KCNK18: variants seen among roughly 807,000 people sequenced by gnomAD.
KCNK18 encodes the protein potassium two pore domain channel subfamily K member 18, also known as potassium channel subfamily K member 18.
Under a neutral mutation model 11.8 loss-of-function variants are expected in KCNK18, and 8 were observed. The ratio of observed to expected loss-of-function variants is 0.68; its 90% confidence interval spans 0.40 to 1.22. The LOEUF is 1.22. Ranked by LOEUF, KCNK18 falls within the 50% of genes most tolerant of loss-of-function variation. The probability of loss-of-function intolerance (pLI) is 0.01; values close to 1 mark genes in which losing one functional copy is unlikely to be tolerated. For missense variants in KCNK18, 442 were observed against 465.4 expected (o/e 0.95, Z 0.46); for synonymous variants, 208 against 185.8 (o/e 1.12, Z -0.97).
Position 117,197,500 on chromosome 10 carries a change from G to A in KCNK18, c.12G>A (p.Ser4=), listed in dbSNP as rs139459241. ...ATGCTTCAGGGACGATGGAGGTCTC[G>A]GGGCACCCCCAGGCCAGGAGATGCT... The part of the protein sequence containing the change: MEV[S]GHPQARRCCP... Residue 4 remains serine, a synonymous_variant, in exon 1 of 3, where the codon TCG becomes TCA. Transcript: ENST00000334549. 125 of 1,612,866 alleles carry A rather than the reference G, an allele frequency of 7.8e-5. No individual in the cohort carries two copies. The highest frequency in any genetic ancestry group is 9.9e-5 in the Non-Finnish European group (117 of 1,179,948).
chr10:117,204,295 A>T (rs1855051085), intron 2 of KCNK18, among the ~76,000 whole-genome samples: 1 of 151,412 alleles, frequency 6.6e-6, no homozygotes, highest in Non-Finnish European at 1.5e-5. Context: ...AAGAAAAAAG[A>T]AAAAAACCTC....
At chr10:117,203,843 G>A (rs1212286093) in intron 2 of KCNK18, among the ~76,000 whole-genome samples, 1 of 152,146 alleles carries the variant, frequency 6.6e-6, no homozygotes, top group African/African-American at 2.4e-5. Flanking sequence ...GGCCATGCCT[G>A]GCTAATTTTT....
intron 2 of KCNK18, among the ~76,000 whole-genome samples, chr10:117,202,508 C>T (rs760063835): frequency 3.9e-5 from 6 of 152,238 alleles, no homozygotes; most frequent in Non-Finnish European, 8.8e-5. Context: ...AGGTTTTCTC[C>T]ATCCTTCTGC....
chr10:117,204,347 G>T (rs930561055), intron 2 of KCNK18, among the ~76,000 whole-genome samples: 1 of 151,696 alleles, frequency 6.6e-6, no homozygotes, highest in African/African-American at 2.4e-5. Flanking sequence ...AGCACTATCA[G>T]CTTCTTGCAT....
chr10:117,197,759 C>A, intron 1 of KCNK18, 48 bp downstream of exon 1: 1 of 1,540,738 alleles, frequency 6.5e-7, no homozygotes, highest in Non-Finnish European at 8.9e-7. Flanking sequence ...GTGGTGGCAG[C>A]AGTCCCCCAA....
At chr10:117,201,131 T>C (rs1226508432) in intron 1 of KCNK18, 28 bp from the exon 2 acceptor site, 1 of 1,613,916 alleles carries the variant, frequency 6.2e-7, no homozygotes, top group East Asian at 2.2e-5. Flanking sequence ...AACCTTTTCC[T>C]CAAACTCTTG....
intron 1 of KCNK18, among the ~76,000 whole-genome samples, chr10:117,200,868 A>G (rs1218954769): frequency 6.6e-6 from 1 of 151,438 alleles, no homozygotes; most frequent in African/African-American, 2.4e-5. Flanking sequence ...AAAGGCAAAG[A>G]CTACACAGCA....
intron 2 of KCNK18, among the ~76,000 whole-genome samples, chr10:117,207,254 C>T (rs897932869): frequency 3.9e-5 from 6 of 152,254 alleles, no homozygotes; most frequent in African/African-American, 1.4e-4. Context: ...GTCTTGAACT[C>T]CTGACCTCAT....
At chr10:117,204,992 C>A (rs541908528) in intron 2 of KCNK18, among the ~76,000 whole-genome samples, 2 of 152,328 alleles carry the variant, frequency 1.3e-5, no homozygotes, top group East Asian at 3.9e-4. Context: ...CCAGTAATTA[C>A]AAACAACTGG....
At chr10:117,204,119 G>A (rs1047615409) in intron 2 of KCNK18, among the ~76,000 whole-genome samples, 5 of 152,020 alleles carry the variant, frequency 3.3e-5, no homozygotes, top group African/African-American at 1.2e-4. Context: ...AAAATCAGCT[G>A]GGCGTGGTGA....
At chr10:117,205,163 T>C (rs534559233) in intron 2 of KCNK18, among the ~76,000 whole-genome samples, 29 of 152,326 alleles carry the variant, frequency 1.9e-4, no homozygotes, top group African/African-American at 7.0e-4. Context: ...GGCCGGTCAA[T>C]CCCGTCATTC....
chr10:117,205,422 T>G (rs1028644420), intron 2 of KCNK18, among the ~76,000 whole-genome samples: 112 of 152,226 alleles, frequency 7.4e-4, no homozygotes, highest in Non-Finnish European at 7.5e-4. Context: ...TATTTTGGAT[T>G]GCAAAAGTAT....
At position 117,197,545 on chromosome 10, in the gene KCNK18, G is replaced by A. The variant is rs781592639; in HGVS notation, c.57G>A (p.Lys19=). The A allele has an allele frequency of 6.2e-7, 1 of 1,614,216 alleles. No individual in the cohort carries two copies. The highest frequency in any genetic ancestry group is 1.7e-5 in the Admixed American group (1 of 60,028). The stretch of plus-strand genomic sequence containing the variant: ...GATGCTGCCCAGAGGCCCTGGGAAA[G>A]CTCTTCCCTGGCCTCTGCTTCCTCT... The part of the protein sequence containing the change: ...ARRCCPEALG[K]LFPGLCFLCF... The change falls in exon 1 of 3, where the codon AAG becomes AAA. Residue 19 remains lysine (K), a synonymous_variant. Coordinates refer to ENST00000334549, the MANE Select transcript of KCNK18 (RefSeq NM_181840.1).
Position 117,197,578 on chromosome 10 carries a change from G to C in KCNK18, c.90G>C (p.Leu30=), listed in dbSNP as rs779362694. The C allele has an allele frequency of 3.1e-6, 5 of 1,614,232 alleles. No individual in the cohort carries two copies. The highest frequency in any genetic ancestry group is 4.2e-6 in the Non-Finnish European group (5 of 1,180,048). Residue 30 remains leucine, a synonymous_variant, in exon 1 of 3, where the codon CTG becomes CTC. Coordinates refer to ENST00000334549, the MANE Select transcript of KCNK18 (RefSeq NM_181840.1). ...CTGGCCTCTGCTTCCTCTGCTTTCT[G>C]GTGACCTACGCCCTGGTGGGTGCTG... is the stretch of plus-strand genomic sequence containing the variant. The part of the protein sequence containing the change: ...LFPGLCFLCF[L]VTYALVGAVV...
intron 2 of KCNK18, 97 bp downstream of exon 2, chr10:117,201,384 C>G: frequency 8.0e-7 from 1 of 1,249,186 alleles, no homozygotes; most frequent in Non-Finnish European, 1.2e-6. Flanking sequence ...AGATGGCCCT[C>G]CTCTCCCTCT....
Position 117,209,759 on chromosome 10 carries a change from T to A in KCNK18, c.615T>A (p.Ser205Arg), listed in dbSNP as rs750645285. 6.2e-7 allele frequency: 1 copy of A among 1,614,044 alleles called. No individual in the cohort carries two copies. The change falls in exon 3 of 3, where the codon AGT (serine) becomes AGA (arginine). Residue 205 changes from serine to arginine, a missense_variant. Physicochemically the swap from Ser to Arg is moderately radical, Grantham distance 110 (BLOSUM62 -1). Coordinates refer to ENST00000334549, the MANE Select transcript of KCNK18 (RefSeq NM_181840.1). Reference sequence around the variant, plus strand: ...AAGCTGTCCCTCAGATCATCATCAGTGCTGAAGAGCTTCCAGGCCCCAAAC... The same window carrying A: ...AAGCTGTCCCTCAGATCATCATCAGAGCTGAAGAGCTTCCAGGCCCCAAAC... ...ADEAVPQIII[S>R]AEELPGPKLG... is the part of the protein sequence containing the mutation.
chr10:117,209,617 T>C lies in KCNK18; in HGVS notation c.473T>C (p.Ile158Thr), dbSNP rs1054952800. The C allele has an allele frequency of 1.2e-5, 20 of 1,614,062 alleles. No homozygotes were observed. The highest frequency in any genetic ancestry group is 1.7e-5 in the Non-Finnish European group (20 of 1,180,036). ...GACACAGGCGACATCCTGGCAACCA[T>C]CTTATCTACATCTTATAATCGGTTC... is the stretch of plus-strand genomic sequence containing the variant. ...LTDTGDILATILSTSYNRFRK... is the reference protein window; with the variant it reads ...LTDTGDILATTLSTSYNRFRK... The change falls in exon 3 of 3, where the codon ATC (isoleucine) becomes ACC (threonine). Residue 158 changes from isoleucine to threonine, a missense_variant. Transcript: ENST00000334549.
intron 1 of KCNK18, among the ~76,000 whole-genome samples, chr10:117,199,808 A>G (rs1359877102): frequency 3.3e-5 from 5 of 152,320 alleles, no homozygotes; most frequent in Admixed American, 6.5e-5. Flanking sequence ...AAAGGAGTAG[A>G]GACTTCCTGC....
At chr10:117,202,834 C>T (rs1018405659) in intron 2 of KCNK18, among the ~76,000 whole-genome samples, 6 of 148,870 alleles carry the variant, frequency 4.0e-5, no homozygotes, top group African/African-American at 1.5e-4. Context: ...AGCCACACAG[C>T]CCCAGGAGGG....
Sources: gnomAD v4.1 joint callset for allele counts (sites outside exome capture counted in the v4.1 genomes callset) on GRCh38, gnomAD v4.1.1 for gene constraint, MANE v1.5 for transcripts, NCBI Gene and HGNC (gene_info 2026-07-23, HGNC 2026-07-21) for gene names.